Variants in ENOX1 observed in about 807,000 individuals in gnomAD.
ENOX1 encodes candidate growth-related and time keeping constitutive hydroquinone (NADH) oxidase.
ENOX1 carries 42 observed loss-of-function variants against 82.5 expected under a neutral mutation model. The ratio of observed to expected loss-of-function variants is 0.51; its 90% CI spans 0.40 to 0.66. ENOX1 has a LOEUF of 0.66. Ranked by LOEUF, ENOX1 falls within the 30% of genes least tolerant of loss-of-function variation. The pLI, the probability that ENOX1 is intolerant of heterozygous loss-of-function variation, is 0.00. For synonymous variants in ENOX1, 271 were observed against 282.2 expected (o/e 0.96, Z 0.40); for missense variants, 608 against 811.6 (o/e 0.75, Z 3.05).
intron 3 of ENOX1, among the ~76,000 whole-genome samples, chr13:43,428,256 A>T (rs1270432098): frequency 6.6e-6 from 1 of 152,238 alleles, no homozygotes; most frequent in Non-Finnish European, 1.5e-5. Flanking sequence ...TTGTGTACTT[A>T]GAGAAAGAGA....
At chr13:43,562,968 A>G (rs1456353976) in intron 2 of ENOX1, among the ~76,000 whole-genome samples, 2 of 152,190 alleles carry the variant, frequency 1.3e-5, no homozygotes, top group African/African-American at 4.8e-5. Flanking sequence ...TTTCAGCATT[A>G]GACAGATCAT....
chr13:43,693,547 G>A (rs2086477654), intron 1 of ENOX1, among the ~76,000 whole-genome samples: 1 of 152,060 alleles, frequency 6.6e-6, no homozygotes. Context: ...AATTCCAGTG[G>A]CCGTGAAACA....
chr13:43,319,176 C>A lies in ENOX1; in HGVS notation c.1261+3208G>T, dbSNP rs373165962. 3.3e-5 allele frequency among the ~76,000 whole-genome samples: 5 copies of A among 152,180 alleles called. No homozygotes were observed. In the East Asian group the frequency reaches 9.7e-4, roughly 29 times the overall value. ...CTTCACAGGCTTCAGAGCAGGATGC[C>A]GATCTTCTAGAATGAATGCTTCAAT... On this transcript the variant is annotated intron_variant, in intron 11 of 16. Transcript: ENST00000690772.
At chr13:43,338,383 T>C (rs933683193) in intron 9 of ENOX1, among the ~76,000 whole-genome samples, 1 of 152,196 alleles carries the variant, frequency 6.6e-6, no homozygotes, top group Non-Finnish European at 1.5e-5. Flanking sequence ...GGGAAGTTTC[T>C]GGCAAATGGA....
In ENOX1 at chr13:43,216,859, G is replaced by A. The variant is rs113182408; in HGVS notation, c.1801-2738C>T. Among the ~76,000 whole-genome samples, 898 of 152,300 alleles carry A rather than the reference G, an allele frequency of 5.9e-3. 7 individuals carry two copies. The highest frequency in any genetic ancestry group is 0.027 in the South Asian group (132 of 4,826). On this transcript the variant is annotated intron_variant, in intron 16 of 16. Coordinates refer to ENST00000690772, the MANE Select transcript of ENOX1 (RefSeq NM_001347969.2). ...TATAACGTGTAGGAGGCCAGCTGGG[G>A]TCAGAAGGGGCAGTGCCACCCAGCA...
intron 15 of ENOX1, among the ~76,000 whole-genome samples, chr13:43,235,562 A>G (rs1301386979): frequency 2.0e-5 from 3 of 152,078 alleles, no homozygotes; most frequent in Admixed American, 6.5e-5. Context: ...GCAAAACCCC[A>G]TCTCTACTAA....
chr13:43,229,206 A>G (rs2042164974), intron 15 of ENOX1, among the ~76,000 whole-genome samples: 1 of 152,200 alleles, frequency 6.6e-6, no homozygotes, highest in South Asian at 2.1e-4. Flanking sequence ...AGGCCTCCCC[A>G]GCCCTGTGGA....
intron 2 of ENOX1, among the ~76,000 whole-genome samples, chr13:43,550,525 G>A (rs958562107): frequency 6.6e-6 from 1 of 152,036 alleles, no homozygotes; most frequent in African/African-American, 2.4e-5. Flanking sequence ...GAATAGTTTT[G>A]CCTACACATC....
intron 3 of ENOX1, among the ~76,000 whole-genome samples, chr13:43,445,485 C>T (rs1248627671): frequency 6.6e-6 from 1 of 151,956 alleles, no homozygotes; most frequent in East Asian, 1.9e-4. Context: ...AACAATGTCC[C>T]ATCTAGTGTT....
Position 43,653,225 on chromosome 13 carries a change from T to C in ENOX1, c.-219+14254A>G, listed in dbSNP as rs185435212. 5.3e-4 allele frequency among the ~76,000 whole-genome samples: 80 copies of C among 152,348 alleles called. 1 individual carries two copies. Among genetic ancestry groups the C allele is most frequent in the African/African-American group, 1.8e-3 (76 of 41,580 alleles). ...AGGCTGCAATCATGCTACAGAAACA[T>C]GTATTTCTCAGCATTGTTAATGGAA... On this transcript the variant is annotated intron_variant, in intron 2 of 16. Coordinates refer to ENST00000690772, the MANE Select transcript of ENOX1 (RefSeq NM_001347969.2).
chr13:43,409,716 A>G (rs1037080782), intron 5 of ENOX1, among the ~76,000 whole-genome samples: 6 of 152,332 alleles, frequency 3.9e-5, no homozygotes, highest in Non-Finnish European at 8.8e-5. Flanking sequence ...TTTTAATATA[A>G]AAGAATACAA....
chr13:43,417,793 T>C (rs1218364619), intron 3 of ENOX1, among the ~76,000 whole-genome samples: 1 of 152,246 alleles, frequency 6.6e-6, no homozygotes, highest in African/African-American at 2.4e-5. Flanking sequence ...TAGATAATTA[T>C]GTAATTAATT....
intron 12 of ENOX1, 63 bp downstream of exon 12, chr13:43,298,283 C>T (rs4451860): frequency 0.99 from 1,476,186 of 1,489,388 alleles, 732,559 homozygotes; most frequent in East Asian, 1. Flanking sequence ...GCTGCCTTTC[C>T]ATTTTCATTT....
intron 2 of ENOX1, among the ~76,000 whole-genome samples, chr13:43,571,051 TTG>T (rs2080154349): frequency 6.6e-6 from 1 of 152,154 alleles, no homozygotes; most frequent in African/African-American, 2.4e-5. Flanking sequence ...ATTTTTGAGT[TTG>T]GGAGAAGAAA....
chr13:43,767,352 T>A (rs1045638397), intron 1 of ENOX1, among the ~76,000 whole-genome samples: 2 of 152,212 alleles, frequency 1.3e-5, no homozygotes, highest in African/African-American at 4.8e-5. Flanking sequence ...TTTTAGTTAC[T>A]GTTTCTGTGT....
chr13:43,265,478 C>T (rs755242342), intron 13 of ENOX1, 24 bp from the exon 14 acceptor site: 15 of 1,602,416 alleles, frequency 9.4e-6, no homozygotes, highest in Non-Finnish European at 1.3e-5. Context: ...GGAAAAACAA[C>T]ACAAAACAAA....
intron 2 of ENOX1, among the ~76,000 whole-genome samples, chr13:43,506,537 A>AT (rs1555304936): frequency 7.4e-6 from 1 of 136,050 alleles, no homozygotes; most frequent in Non-Finnish European, 1.7e-5. Flanking sequence ...ACATGCACAC[A>AT]TATGTTTATT....
chr13:43,544,973 A>G (rs764548728), intron 2 of ENOX1: 2 of 152,174 alleles, frequency 1.3e-5, no homozygotes, highest in Non-Finnish European at 2.9e-5. Flanking sequence ...GTCCGTACTT[A>G]TTTTCTTTCA....
At chr13:43,673,925 G>A (rs1013517141) in intron 1 of ENOX1, among the ~76,000 whole-genome samples, 16 of 152,066 alleles carry the variant, frequency 1.1e-4, no homozygotes, top group African/African-American at 3.1e-4. Context: ...CTCTTGCCGC[G>A]TGACTGATTC....
Sources: allele counts gnomAD v4.1 joint callset (sites outside exome capture counted in the v4.1 genomes callset), GRCh38; gene constraint gnomAD v4.1.1; transcripts MANE v1.5; gene names NCBI Gene and HGNC (gene_info 2026-07-23, HGNC 2026-07-21).